FYN: variants seen among roughly 807,000 people sequenced by gnomAD.
FYN encodes FYN proto-oncogene, Src family tyrosine kinase.
A neutral mutation model predicts 70.2 loss-of-function variants in FYN; 10 were observed. The observed-to-expected ratio is 0.14, with a 90% CI of 0.09 to 0.24. FYN has a LOEUF of 0.24. Ranked by LOEUF, FYN falls within the 10% of genes least tolerant of loss-of-function variation. FYN has a pLI of 1.00. For synonymous variants in FYN, 236 were observed against 248.6 expected (o/e 0.95, Z 0.48); for missense variants, 319 against 673.1 (o/e 0.47, Z 5.82).
intron 3 of FYN, among the ~76,000 whole-genome samples, chr6:111,749,126 C>T (rs1275305295): frequency 6.6e-6 from 1 of 152,158 alleles, no homozygotes; most frequent in African/African-American, 2.4e-5. Context: ...CAGATCATCT[C>T]GGACACTTCT....
chr6:111,678,186 T>C (rs1412842284), intron 12 of FYN, among the ~76,000 whole-genome samples: 1 of 150,728 alleles, frequency 6.6e-6, no homozygotes, highest in Non-Finnish European at 1.5e-5. Context: ...CCACTGAATG[T>C]TTTCCAGGTA....
At chr6:111,703,578 A>C (rs1327005599) in intron 7 of FYN, among the ~76,000 whole-genome samples, 2 of 152,226 alleles carry the variant, frequency 1.3e-5, no homozygotes, top group African/African-American at 2.4e-5. Flanking sequence ...GTGGGTTGTA[A>C]GGAGTTGTTA....
At chr6:111,721,871 C>A (rs919780293) in intron 3 of FYN, among the ~76,000 whole-genome samples, 5 of 152,148 alleles carry the variant, frequency 3.3e-5, no homozygotes, top group African/African-American at 1.2e-4. Context: ...CAGTGGAGGT[C>A]CCTGCCAAAA....
intron 5 of FYN, among the ~76,000 whole-genome samples, chr6:111,714,091 C>T (rs553042382): frequency 6.6e-6 from 1 of 152,284 alleles, no homozygotes; most frequent in South Asian, 2.1e-4. Flanking sequence ...AACCTTTAAA[C>T]CTAAACCAAA....
At chr6:111,673,258 G>C (rs1319213924) in intron 13 of FYN, among the ~76,000 whole-genome samples, 2 of 152,144 alleles carry the variant, frequency 1.3e-5, no homozygotes, top group Non-Finnish European at 2.9e-5. Flanking sequence ...GATTCCCGGA[G>C]TGTCTGCCCG....
At chr6:111,790,529 A>G (rs1295152228) in intron 2 of FYN, among the ~76,000 whole-genome samples, 2 of 152,054 alleles carry the variant, frequency 1.3e-5, no homozygotes, top group African/African-American at 4.8e-5. Flanking sequence ...CACGTTCTCA[A>G]TGTTGCAACA....
intron 3 of FYN, among the ~76,000 whole-genome samples, chr6:111,762,808 G>T (rs549064220): frequency 2.9e-4 from 44 of 151,026 alleles, no homozygotes; most frequent in Non-Finnish European, 5.2e-4. Context: ...AAAAAAAAAA[G>T]TCCTTGCATA....
chr6:111,810,642 T>A (rs995311744), intron 2 of FYN, among the ~76,000 whole-genome samples: 14 of 152,206 alleles, frequency 9.2e-5, no homozygotes, highest in Admixed American at 2.0e-4. Flanking sequence ...CTGTCTTTTT[T>A]CTTCTTACAA....
In FYN at chr6:111,840,086, C is replaced by A. The variant is rs561276096; in HGVS notation, c.-82+6503G>T. Among the ~76,000 whole-genome samples, 628 of 152,246 alleles carry A rather than the reference C, an allele frequency of 4.1e-3. 2 individuals carry two copies. Among genetic ancestry groups the A allele is most frequent in the Non-Finnish European group, 6.8e-3 (460 of 68,020 alleles). On this transcript the variant is annotated intron_variant, in intron 2 of 13. Transcript: ENST00000354650. The stretch of plus-strand genomic sequence containing the variant: ...TCTTAGATCTTCCAAGTGGCCCCTT[C>A]TAAGAAAATTAAACTGACTGAAGTA...
intron 12 of FYN, 119 bp from the exon 13 acceptor site, chr6:111,674,749 GA>G: frequency 9.4e-7 from 1 of 1,061,912 alleles, no homozygotes; most frequent in Non-Finnish European, 1.4e-6. Flanking sequence ...GGGGAAGACA[GA>G]AAGGAGGTGA....
chr6:111,722,347 AACAAGTTT>A (rs1800993171), intron 3 of FYN, among the ~76,000 whole-genome samples: 2 of 152,194 alleles, frequency 1.3e-5, no homozygotes, highest in Non-Finnish European at 2.9e-5. Flanking sequence ...ATATGATTTT[AACAAGTTT>A]CCAATAGGAA....
At chr6:111,688,263 C>T (rs931612835) in intron 12 of FYN, among the ~76,000 whole-genome samples, 8 of 152,144 alleles carry the variant, frequency 5.3e-5, no homozygotes, top group African/African-American at 1.9e-4. Flanking sequence ...TGAACACAGG[C>T]TTATCTAGCT....
chr6:111,699,452 T>C (rs1023039314), intron 9 of FYN: 45 of 1,556,456 alleles, frequency 2.9e-5, no homozygotes, highest in African/African-American at 5.4e-5. Flanking sequence ...GCATTTTTGT[T>C]CAAAACCATC....
At chr6:111,721,947 AT>A (rs1291911601) in intron 3 of FYN, among the ~76,000 whole-genome samples, 1 of 152,076 alleles carries the variant, frequency 6.6e-6, no homozygotes, top group Non-Finnish European at 1.5e-5. Context: ...GTGTAATAAC[AT>A]TTATTCACTG....
chr6:111,721,952 T>G (rs566311116), intron 3 of FYN, among the ~76,000 whole-genome samples: 20 of 152,166 alleles, frequency 1.3e-4, no homozygotes, highest in African/African-American at 4.3e-4. Context: ...ATAACATTTA[T>G]TCACTGGGGA....
chr6:111,801,333 A>T (rs1446571695), intron 2 of FYN, among the ~76,000 whole-genome samples: 1 of 152,210 alleles, frequency 6.6e-6, no homozygotes. Context: ...GGCCATCATC[A>T]TCAAGGCAGA....
chr6:111,698,682 A>G, intron 9 of FYN, among the ~76,000 whole-genome samples: 1 of 152,252 alleles, frequency 6.6e-6, no homozygotes, highest in Non-Finnish European at 1.5e-5. Context: ...AGCCAGCCTT[A>G]TCAATGACAA....
At chr6:111,738,891 G>A (rs538677675) in intron 3 of FYN, among the ~76,000 whole-genome samples, 11 of 152,210 alleles carry the variant, frequency 7.2e-5, no homozygotes, top group South Asian at 6.2e-4. Context: ...TTGGTGGGGC[G>A]GGGAGGGGCT....
chr6:111,784,302 C>T (rs1455664287), intron 2 of FYN, among the ~76,000 whole-genome samples: 1 of 152,130 alleles, frequency 6.6e-6, no homozygotes, highest in African/African-American at 2.4e-5. Context: ...TTTCAATTAC[C>T]TGCAGCTGGA....
Sources: allele counts gnomAD v4.1 joint callset (sites outside exome capture counted in the v4.1 genomes callset), GRCh38; gene constraint gnomAD v4.1.1; transcripts MANE v1.5; gene names NCBI Gene and HGNC (gene_info 2026-07-23, HGNC 2026-07-21).